The following SYNPO2 variants were observed in gnomAD, a reference collection of about 807,000 sequenced individuals.
SYNPO2 encodes the protein synaptopodin-2.
A neutral mutation model predicts 85.0 loss-of-function variants in SYNPO2; 56 were observed. The observed-to-expected ratio is 0.66, with a 90% CI of 0.53 to 0.82. The LOEUF is 0.82. SYNPO2 is among the 40% of genes least tolerant of loss of function. The pLI, the probability that SYNPO2 is intolerant of heterozygous loss-of-function variation, is 0.00. For missense variants in SYNPO2, 1,575 were observed against 1,534.2 expected (o/e 1.03, Z -0.44); for synonymous variants, 602 against 591.1 (o/e 1.02, Z -0.27).
At position 119,007,233 on chromosome 4, in the gene SYNPO2, T is replaced by TGTATATAC. The variant is rs1468331450; in HGVS notation, c.106-16197_106-16196insGTATATAC. ...GAACAAAGGTATATATATATATATA[T>TGTATATAC]ATATATATATATGTATATACATATA... On this transcript the variant is annotated intron_variant, in intron 1 of 4. Transcript: ENST00000307142. Among the ~76,000 whole-genome samples the TGTATATAC allele has an allele frequency of 8.1e-3, 342 of 42,080 alleles. 13 individuals are homozygous for TGTATATAC. Among genetic ancestry groups the TGTATATAC allele is most frequent in the African/African-American group, 0.032 (327 of 10,146 alleles). 27.6% of individuals were successfully genotyped at this position (42,080 alleles called of 152,430 possible).
chr4:118,916,329 C>T (rs971083203), intron 1 of SYNPO2, among the ~76,000 whole-genome samples: 6 of 151,850 alleles, frequency 4.0e-5, no homozygotes, highest in Admixed American at 2.6e-4. Context: ...CGCACCACCA[C>T]ACCCAGCTGA....
intron 1 of SYNPO2, among the ~76,000 whole-genome samples, chr4:118,852,190 A>G (rs1157389748): frequency 6.6e-6 from 1 of 152,252 alleles, no homozygotes; most frequent in East Asian, 1.9e-4. Flanking sequence ...CACACTAGTC[A>G]GAATGGCTGT....
At chr4:118,898,222 A>G (rs759151761) in intron 1 of SYNPO2, among the ~76,000 whole-genome samples, 4 of 152,072 alleles carry the variant, frequency 2.6e-5, no homozygotes, top group African/African-American at 4.8e-5. Context: ...TATAAATCCA[A>G]TGTGTTTTGC....
At chr4:118,991,344 C>T (rs565113392) in intron 1 of SYNPO2, among the ~76,000 whole-genome samples, 45 of 151,856 alleles carry the variant, frequency 3.0e-4, no homozygotes, top group Admixed American at 2.8e-3. Context: ...GACAGGGTTT[C>T]GCCATGTTGG....
At chr4:118,873,981 C>A (rs1731851991) in intron 1 of SYNPO2, among the ~76,000 whole-genome samples, 1 of 139,920 alleles carries the variant, frequency 7.1e-6, no homozygotes, top group African/African-American at 2.6e-5. Flanking sequence ...TGTCCTTTTC[C>A]CCAGTGTATG....
At position 119,057,544 on chromosome 4, in the gene SYNPO2, G is replaced by T. The variant is rs1322416079; in HGVS notation, c.3396G>T (p.Trp1132Cys). The T allele has an allele frequency of 9.9e-6, 16 of 1,614,022 alleles. No homozygotes were observed. Among genetic ancestry groups the T allele is most frequent in the Non-Finnish European group, 1.3e-5 (15 of 1,180,022 alleles). The change falls in exon 5 of 5, where the codon TGG becomes TGT. Residue 1132 changes from tryptophan (W) to cysteine (C), a missense_variant. By Grantham distance (215) the Trp-to-Cys change is radical. Transcript: ENST00000307142. ...AAGCAAACAAGAGACCAACTCCTTG[G>T]GAAGCAGCAGCAAAGTCTCCTCTCG... is the stretch of plus-strand genomic sequence containing the variant. ...LEKANKRPTP[W>C]EAAAKSPLGL...
At chr4:119,003,714 TC>T (rs2149174364) in intron 1 of SYNPO2, among the ~76,000 whole-genome samples, 2 of 152,310 alleles carry the variant, frequency 1.3e-5, no homozygotes, top group South Asian at 4.1e-4. Flanking sequence ...GTAGAGGCTT[TC>T]CTTTAGATTA....
chr4:118,943,523 A>G (rs2149138857), intron 1 of SYNPO2, among the ~76,000 whole-genome samples: 1 of 152,336 alleles, frequency 6.6e-6, no homozygotes, highest in East Asian at 1.9e-4. Flanking sequence ...TCTCTTTAAA[A>G]TTTGAGTTGT....
intron 1 of SYNPO2, among the ~76,000 whole-genome samples, chr4:118,989,851 A>G (rs1736344428): frequency 6.6e-6 from 1 of 152,222 alleles, no homozygotes; most frequent in Admixed American, 6.5e-5. Context: ...GACAACACCA[A>G]GAGTCCCTGA....
intron 1 of SYNPO2, among the ~76,000 whole-genome samples, chr4:118,947,725 A>G (rs1225925474): frequency 6.6e-6 from 1 of 152,234 alleles, no homozygotes; most frequent in African/African-American, 2.4e-5. Flanking sequence ...AGAACAACTT[A>G]AGAAAATGTG....
chr4:118,931,749 C>G (rs530172312), intron 1 of SYNPO2, among the ~76,000 whole-genome samples: 1 of 152,270 alleles, frequency 6.6e-6, no homozygotes, highest in South Asian at 2.1e-4. Flanking sequence ...TCTTTCCATT[C>G]CTTTGGCTAA....
chr4:118,894,856 AAAAG>A (rs1454308337), intron 1 of SYNPO2, among the ~76,000 whole-genome samples: 2 of 152,096 alleles, frequency 1.3e-5, no homozygotes, highest in Admixed American at 6.6e-5. Flanking sequence ...AAAAAGAAGA[AAAAG>A]AAAGAGGAAG....
intron 4 of SYNPO2, among the ~76,000 whole-genome samples, chr4:119,039,634 G>A (rs1002120376): frequency 3.3e-5 from 5 of 152,164 alleles, no homozygotes; most frequent in Middle Eastern, 3.4e-3. Context: ...TAGACCACAC[G>A]CCTCAAACAC....
chr4:118,888,789 C>G (rs1732259258), upstream of SYNPO2: 1 of 515,304 alleles, frequency 1.9e-6, no homozygotes, highest in South Asian at 2.5e-5. Context: ...GAGAGTGACG[C>G]AAGAGTGGGC....
intron 1 of SYNPO2, among the ~76,000 whole-genome samples, chr4:118,871,729 CG>C (rs1355013279): frequency 9.2e-5 from 14 of 152,110 alleles, no homozygotes; most frequent in South Asian, 2.1e-4. Context: ...CCACCATGCC[CG>C]GGCTAATTTG....
At chr4:118,909,236 AT>A (rs1316789175) in intron 1 of SYNPO2, among the ~76,000 whole-genome samples, 8 of 152,264 alleles carry the variant, frequency 5.3e-5, no homozygotes, top group African/African-American at 1.9e-4. Flanking sequence ...GTTGTGAAAC[AT>A]ACGGGGGATG....
chr4:118,895,577 C>G (rs748370016), intron 1 of SYNPO2, among the ~76,000 whole-genome samples: 1 of 152,114 alleles, frequency 6.6e-6, no homozygotes, highest in South Asian at 2.1e-4. Flanking sequence ...TTCTGTACCC[C>G]CTACAAGCCC....
intron 1 of SYNPO2, among the ~76,000 whole-genome samples, chr4:118,983,055 A>AT (rs70944823): frequency 0.24 from 36,853 of 151,860 alleles, 4,514 homozygotes; most frequent in East Asian, 0.28. Flanking sequence ...TGCTTTCTGT[A>AT]TTTTTTTGCA....
intron 1 of SYNPO2, among the ~76,000 whole-genome samples, chr4:118,988,386 C>T (rs926557095): frequency 2.6e-5 from 4 of 151,706 alleles, no homozygotes; most frequent in African/African-American, 7.3e-5. Flanking sequence ...AACAGTTCTG[C>T]CCCAGGGAAC....
Sources: gnomAD v4.1 joint callset for allele counts (sites outside exome capture counted in the v4.1 genomes callset) on GRCh38, gnomAD v4.1.1 for gene constraint, MANE v1.5 for transcripts, NCBI Gene and HGNC (gene_info 2026-07-23, HGNC 2026-07-21) for gene names.